NRG1: variants seen among roughly 807,000 people sequenced by gnomAD.
NRG1 encodes neuregulin 1, also known as pro-neuregulin-1, membrane-bound isoform.
NRG1 carries 18 observed loss-of-function variants against 63.8 expected under a neutral mutation model. That is an observed-to-expected ratio of 0.28 (90% CI 0.19 to 0.42). The LOEUF is 0.42. NRG1 is among the 10% of genes least tolerant of loss of function. The pLI, the probability that NRG1 is intolerant of heterozygous loss-of-function variation, is 1.00. For synonymous variants in NRG1, 302 were observed against 301.3 expected, an observed-to-expected ratio of 1.00 and a Z score of -0.02; for missense variants, 762 against 814.7, an observed-to-expected ratio of 0.94 and a Z score of 0.79.
chr8:32,675,097 G>A (rs1224498726), intron 5 of NRG1, among the ~76,000 whole-genome samples: 1 of 152,114 alleles, frequency 6.6e-6, no homozygotes, highest in East Asian at 1.9e-4. Context: ...TACTGAATTG[G>A]ACACTGTACA....
At chr8:32,594,382 T>G (rs1409102245) in intron 1 of NRG1, among the ~76,000 whole-genome samples, 1 of 152,192 alleles carries the variant, frequency 6.6e-6, no homozygotes, top group Non-Finnish European at 1.5e-5. Context: ...GAAACAGAAT[T>G]GTGGAATTCT....
At chr8:32,673,116 C>G (rs1563916587) in intron 5 of NRG1, among the ~76,000 whole-genome samples, 1 of 152,184 alleles carries the variant, frequency 6.6e-6, no homozygotes, top group Non-Finnish European at 1.5e-5. Context: ...GGTTTGGTGT[C>G]ACACCACAAA....
intron 1 of NRG1, among the ~76,000 whole-genome samples, chr8:32,219,250 T>C (rs1845564245): frequency 6.6e-6 from 1 of 152,190 alleles, no homozygotes; most frequent in African/African-American, 2.4e-5. Context: ...AAATATTACT[T>C]ATGTGAAAAT....
chr8:32,351,112 T>A (rs895321243), intron 1 of NRG1, among the ~76,000 whole-genome samples: 1 of 152,184 alleles, frequency 6.6e-6, no homozygotes, highest in South Asian at 2.1e-4. Context: ...GACATGTAAC[T>A]CCACTTTTTA....
At chr8:32,172,028 G>A (rs1164797232) in intron 1 of NRG1, among the ~76,000 whole-genome samples, 2 of 152,186 alleles carry the variant, frequency 1.3e-5, no homozygotes, top group Non-Finnish European at 2.9e-5. Context: ...CTGGAGATCT[G>A]AGAACGGACA....
chr8:31,979,393 A>G (rs1025336656), intron 1 of NRG1, among the ~76,000 whole-genome samples: 1 of 151,994 alleles, frequency 6.6e-6, no homozygotes, highest in African/African-American at 2.4e-5. Context: ...TCTCATTTCA[A>G]CTTATATTTA....
At chr8:31,822,811 CAAAT>C (rs936651853) in intron 1 of NRG1, among the ~76,000 whole-genome samples, 7 of 152,050 alleles carry the variant, frequency 4.6e-5, no homozygotes, top group Admixed American at 1.3e-4. Context: ...TCTCAGGAGA[CAAAT>C]AACAATGGCA....
chr8:32,016,023 G>T (rs901429655), intron 1 of NRG1, among the ~76,000 whole-genome samples: 2 of 152,048 alleles, frequency 1.3e-5, no homozygotes, highest in Non-Finnish European at 2.9e-5. Context: ...GGCATGTATT[G>T]AGGTCAGTCT....
upstream of NRG1, among the ~76,000 whole-genome samples, chr8:32,545,888 C>G (rs1833017819): frequency 1.3e-5 from 2 of 152,104 alleles, no homozygotes; most frequent in Non-Finnish European, 2.9e-5. Context: ...ATCATCTTTC[C>G]TTAAAGTCCC....
intron 1 of NRG1, among the ~76,000 whole-genome samples, chr8:31,873,420 G>T (rs541793265): frequency 2.0e-5 from 3 of 152,092 alleles, no homozygotes; most frequent in Non-Finnish European, 2.9e-5. Flanking sequence ...TTAGCCGGGC[G>T]TGGTGGCGTG....
chr8:32,055,133 G>T (rs182739644), intron 1 of NRG1, among the ~76,000 whole-genome samples: 1 of 151,626 alleles, frequency 6.6e-6, no homozygotes, highest in Non-Finnish European at 1.5e-5. Flanking sequence ...CAGGTGATCC[G>T]CCTGCCTTGG....
intron 1 of NRG1, among the ~76,000 whole-genome samples, chr8:31,906,872 A>C (rs999812627): frequency 6.6e-6 from 1 of 152,218 alleles, no homozygotes; most frequent in African/African-American, 2.4e-5. Flanking sequence ...GTCTAGAGGA[A>C]ATAAAATGAA....
At chr8:32,659,738 A>G (rs1196174597) in intron 5 of NRG1, among the ~76,000 whole-genome samples, 1 of 152,132 alleles carries the variant, frequency 6.6e-6, no homozygotes, top group Admixed American at 6.5e-5. Flanking sequence ...CCCAGTCTTC[A>G]TCCCGATGGA....
At chr8:32,195,515 A>T (rs1842874600) in intron 1 of NRG1, among the ~76,000 whole-genome samples, 1 of 152,138 alleles carries the variant, frequency 6.6e-6, no homozygotes, top group South Asian at 2.1e-4. Context: ...CTCTTAGTCA[A>T]AGCCTATTTA....
At chr8:32,261,120 A>G (rs562017811) in intron 1 of NRG1, among the ~76,000 whole-genome samples, 1 of 152,292 alleles carries the variant, frequency 6.6e-6, no homozygotes, top group Non-Finnish European at 1.5e-5. Flanking sequence ...GTTCCTGTAT[A>G]CCTGTCTTCT....
At chr8:32,504,281 G>A (rs1563555333) in intron 1 of NRG1, among the ~76,000 whole-genome samples, 2 of 152,162 alleles carry the variant, frequency 1.3e-5, no homozygotes, top group African/African-American at 2.4e-5. Flanking sequence ...GACATTCCTG[G>A]TTGTGGGGAA....
At chr8:32,639,931 A>G (rs530516879) in intron 5 of NRG1, among the ~76,000 whole-genome samples, 1 of 152,352 alleles carries the variant, frequency 6.6e-6, no homozygotes, top group South Asian at 2.1e-4. Flanking sequence ...GCATTAAACT[A>G]CATCCATTAT....
At chr8:32,303,177 C>A in intron 1 of NRG1, among the ~76,000 whole-genome samples, 1 of 54,158 alleles carries the variant, frequency 1.8e-5, no homozygotes, top group Non-Finnish European at 3.3e-5. Flanking sequence ...AAGAGAAACT[C>A]AGTCTCCAAA....
At chr8:32,362,403 T>A (rs889169234) in intron 1 of NRG1, among the ~76,000 whole-genome samples, 2 of 152,220 alleles carry the variant, frequency 1.3e-5, no homozygotes, top group African/African-American at 4.8e-5. Flanking sequence ...GAATATGCGA[T>A]GTTGTGGAGA....
Sources: gnomAD v4.1 joint callset for allele counts (sites outside exome capture counted in the v4.1 genomes callset) on GRCh38, gnomAD v4.1.1 for gene constraint, MANE v1.5 for transcripts, NCBI Gene and HGNC (gene_info 2026-07-23, HGNC 2026-07-21) for gene names.